The following MLLT10 variants were observed in gnomAD, a reference collection of about 807,000 sequenced individuals.
The protein encoded by MLLT10 is MLLT10 histone lysine methyltransferase DOT1L cofactor, also known as protein AF-10.
MLLT10 carries 30 observed loss-of-function variants against 129.1 expected under a neutral mutation model. The observed-to-expected ratio is 0.23, with a 90% confidence interval of 0.17 to 0.32. MLLT10 has a LOEUF of 0.32. Among genes scored for constraint, MLLT10 ranks in the 10% least tolerant of loss-of-function variants. The probability of loss-of-function intolerance (pLI) is 1.00; values close to 1 mark genes in which losing one functional copy is unlikely to be tolerated. For missense variants in MLLT10, 1,119 were observed against 1,268.3 expected, an observed-to-expected ratio of 0.88 and a Z score of 1.79; for synonymous variants, 490 against 446.4, an observed-to-expected ratio of 1.10 and a Z score of -1.23.
At chr10:21,731,485 A>G (rs1329317527) in intron 17 of MLLT10, among the ~76,000 whole-genome samples, 1 of 152,172 alleles carries the variant, frequency 6.6e-6, no homozygotes, top group Non-Finnish European at 1.5e-5. Flanking sequence ...GTTCTTATCA[A>G]TCAGTTTACT....
intron 9 of MLLT10, among the ~76,000 whole-genome samples, chr10:21,667,456 C>T (rs2050936711): frequency 6.7e-6 from 1 of 149,954 alleles, no homozygotes. Context: ...TTGATCCTCC[C>T]ATTCTTTTTG....
chr10:21,570,760 T>C (rs1483844153), intron 3 of MLLT10, among the ~76,000 whole-genome samples: 2 of 152,178 alleles, frequency 1.3e-5, no homozygotes, highest in Non-Finnish European at 2.9e-5. Flanking sequence ...ATATGAAATA[T>C]CATCATAATT....
Position 21,649,825 on chromosome 10 carries a change from A to G in MLLT10, c.700-1848A>G, listed in dbSNP as rs369555616. On this transcript the variant is annotated intron_variant, in intron 8 of 22. Transcript: ENST00000307729. Reference sequence around the variant, plus strand: ...CTTCTGCCACATCCTGTTGAGTAACACAAGTCATAAGGTTAACCCAGGTTC... The same window carrying G: ...CTTCTGCCACATCCTGTTGAGTAACGCAAGTCATAAGGTTAACCCAGGTTC... Among the ~76,000 whole-genome samples, 9 of 152,316 alleles carry G rather than the reference A, an allele frequency of 5.9e-5. No individual in the cohort carries two copies. The East Asian group carries it at 7.7e-4, about 13-fold the overall frequency.
At chr10:21,535,688 CTA>C (rs1352910814) in intron 2 of MLLT10, among the ~76,000 whole-genome samples, 1 of 152,210 alleles carries the variant, frequency 6.6e-6, no homozygotes, top group Non-Finnish European at 1.5e-5. Flanking sequence ...ACAAAACAGT[CTA>C]TATTCTTTTT....
chr10:21,632,543 C>T lies in MLLT10; in HGVS notation c.699+15336C>T, dbSNP rs141187519. 6.6e-5 allele frequency among the ~76,000 whole-genome samples: 10 copies of T among 152,246 alleles called. No homozygotes were observed. The East Asian group carries it at 1.7e-3, about 26-fold the overall frequency. Reference sequence around the variant, plus strand: ...TTTAATTAGATTTGATAAATGTTTACAAAGCGTCTACTCAATTCGAGACAC... The same window carrying T: ...TTTAATTAGATTTGATAAATGTTTATAAAGCGTCTACTCAATTCGAGACAC... On this transcript the variant is annotated intron_variant, in intron 8 of 22. Coordinates refer to ENST00000307729, the MANE Select transcript of MLLT10 (RefSeq NM_001195626.3).
intron 13 of MLLT10, among the ~76,000 whole-genome samples, chr10:21,685,169 A>G (rs2053177269): frequency 6.6e-6 from 1 of 152,120 alleles, no homozygotes. Context: ...TGAAACTTCA[A>G]AAAAAAGCTT....
At position 21,671,997 on chromosome 10, in the gene MLLT10, C is replaced by CTAAA. The variant is rs944280310; in HGVS notation, c.1051+1304_1051+1307dup. ...AACCAAAAACAAACAATAAAACCCA[C>CTAAA]TAAATAAATAAATACAATCAAGGTT... On this transcript the variant is annotated intron_variant, in intron 10 of 22. Coordinates refer to ENST00000307729, the MANE Select transcript of MLLT10 (RefSeq NM_001195626.3). 1.4e-3 allele frequency among the ~76,000 whole-genome samples: 211 copies of CTAAA among 152,198 alleles called. 3 individuals are homozygous for CTAAA. Among genetic ancestry groups the CTAAA allele is most frequent in the African/African-American group, 4.8e-3 (198 of 41,524 alleles).
At chr10:21,590,025 C>T (rs577523534) in intron 4 of MLLT10, among the ~76,000 whole-genome samples, 1 of 152,136 alleles carries the variant, frequency 6.6e-6, no homozygotes, top group African/African-American at 2.4e-5. Flanking sequence ...ATTCAAACTC[C>T]TGGATTCAAG....
At chr10:21,668,797 G>A (rs773125931) in intron 9 of MLLT10, 10 of 457,844 alleles carry the variant, frequency 2.2e-5, no homozygotes, top group Non-Finnish European at 2.6e-5. Context: ...AGTGAATAGC[G>A]TATTTCCATT....
chr10:21,732,781 C>A, intron 17 of MLLT10, 118 bp from the exon 18 acceptor site: 1 of 794,000 alleles, frequency 1.3e-6, no homozygotes, highest in Non-Finnish European at 1.8e-6. Flanking sequence ...TTTAGAAACA[C>A]TTTACAGAAT....
At chr10:21,569,685 T>G (rs2039991204) in intron 3 of MLLT10, among the ~76,000 whole-genome samples, 1 of 151,762 alleles carries the variant, frequency 6.6e-6, no homozygotes, top group Non-Finnish European at 1.5e-5. Context: ...GCTCCCAAAG[T>G]GCTGAGATTA....
chr10:21,568,132 T>TA (rs1271329861), intron 3 of MLLT10, among the ~76,000 whole-genome samples: 1 of 152,132 alleles, frequency 6.6e-6, no homozygotes, highest in African/African-American at 2.4e-5. Context: ...TGGGGGTTCT[T>TA]TTATTTGGTC....
At chr10:21,684,142 A>G (rs2053038589) in intron 13 of MLLT10, among the ~76,000 whole-genome samples, 1 of 151,974 alleles carries the variant, frequency 6.6e-6, no homozygotes, top group African/African-American at 2.4e-5. Flanking sequence ...CCCTGAGTAG[A>G]TAGGACTGCA....
chr10:21,672,444 T>A (rs1012893155), intron 10 of MLLT10, among the ~76,000 whole-genome samples: 1 of 152,072 alleles, frequency 6.6e-6, no homozygotes, highest in African/African-American at 2.4e-5. Flanking sequence ...TAGCTGGGAT[T>A]AGAGGCACAC....
intron 3 of MLLT10, among the ~76,000 whole-genome samples, chr10:21,553,853 T>G (rs577364534): frequency 1.3e-5 from 2 of 152,272 alleles, no homozygotes; most frequent in East Asian, 3.9e-4. Context: ...TTTCACCATG[T>G]TGGCCAGGCT....
At chr10:21,668,738 T>G (rs1447457537) in intron 9 of MLLT10, among the ~76,000 whole-genome samples, 2 of 152,140 alleles carry the variant, frequency 1.3e-5, no homozygotes, top group Non-Finnish European at 2.9e-5. Context: ...GGGTGTTCTG[T>G]TAAATAAGTG....
intron 4 of MLLT10, among the ~76,000 whole-genome samples, chr10:21,592,508 C>T (rs1477884801): frequency 2.0e-5 from 3 of 150,824 alleles, no homozygotes; most frequent in African/African-American, 7.3e-5. Context: ...CAGGCTGGAG[C>T]GTAGTGGCGC....
intron 3 of MLLT10, among the ~76,000 whole-genome samples, chr10:21,559,458 A>T (rs2038514695): frequency 6.6e-6 from 1 of 152,214 alleles, no homozygotes; most frequent in African/African-American, 2.4e-5. Context: ...TTCCATATTC[A>T]TTGTGGTAAA....
At chr10:21,554,840 TAGAC>T (rs1358728388) in intron 3 of MLLT10, among the ~76,000 whole-genome samples, 2 of 151,648 alleles carry the variant, frequency 1.3e-5, no homozygotes, top group Non-Finnish European at 1.5e-5. Flanking sequence ...TTTTTTTTTT[TAGAC>T]AGAGTTTTGC....
Sources: gnomAD v4.1 joint callset for allele counts (sites outside exome capture counted in the v4.1 genomes callset) on GRCh38, gnomAD v4.1.1 for gene constraint, MANE v1.5 for transcripts, NCBI Gene and HGNC (gene_info 2026-07-23, HGNC 2026-07-21) for gene names.